ABLIM3: variants seen among roughly 807,000 people sequenced by gnomAD.
ABLIM3 encodes the protein actin binding LIM protein family member 3.
Under a neutral mutation model 109.5 loss-of-function variants are expected in ABLIM3, and 61 were observed. The observed-to-expected ratio is 0.56, with a 90% CI of 0.45 to 0.69. The LOEUF is 0.69. Ranked by LOEUF, ABLIM3 falls within the 30% of genes least tolerant of loss-of-function variation. The pLI is 0.00. For synonymous variants in ABLIM3, 300 were observed against 324.8 expected, an observed-to-expected ratio of 0.92 and a Z score of 0.82; for missense variants, 796 against 889.5, an observed-to-expected ratio of 0.89 and a Z score of 1.34.
chr5:149,239,420 G>C (rs560953159), intron 12 of ABLIM3, 143 bp downstream of exon 12: 2 of 940,556 alleles, frequency 2.1e-6, no homozygotes, highest in Admixed American at 3.9e-5. Flanking sequence ...AGACTCGGGT[G>C]CATGTCCTGG....
At chr5:149,149,465 G>C (rs1475700061) in intron 2 of ABLIM3, among the ~76,000 whole-genome samples, 1 of 152,156 alleles carries the variant, frequency 6.6e-6, no homozygotes, top group Non-Finnish European at 1.5e-5. Context: ...TATTACAGTA[G>C]GTGATGGATT....
intron 2 of ABLIM3, among the ~76,000 whole-genome samples, chr5:149,149,720 G>T (rs1580983361): frequency 6.6e-6 from 1 of 152,218 alleles, no homozygotes; most frequent in Non-Finnish European, 1.5e-5. Flanking sequence ...GGAAAAGGAG[G>T]ATTCTATTAG....
intron 8 of ABLIM3, among the ~76,000 whole-genome samples, chr5:149,229,942 G>C (rs1761681612): frequency 6.6e-6 from 1 of 152,192 alleles, no homozygotes; most frequent in African/African-American, 2.4e-5. Flanking sequence ...AGTCTCTGAG[G>C]AATTAGCAGG....
At chr5:149,145,509 G>A (rs1752827042) in intron 2 of ABLIM3, among the ~76,000 whole-genome samples, 1 of 152,184 alleles carries the variant, frequency 6.6e-6, no homozygotes, top group Non-Finnish European at 1.5e-5. Flanking sequence ...TATATATCCA[G>A]TAATGGGATT....
Position 149,216,962 on chromosome 5 carries a change from G to A in ABLIM3, c.673G>A (p.Gly225Arg). 1 of 1,614,078 alleles carries A rather than the reference G, an allele frequency of 6.2e-7. No homozygotes were observed. The highest frequency in any genetic ancestry group is 1.6e-4 in the Middle Eastern group (1 of 6,062). The change falls in exon 8 of 24, where the codon GGA (glycine) becomes AGA (arginine). Residue 225 changes from glycine (G) to arginine (R), a missense_variant. By Grantham distance (125) the Gly-to-Arg change is moderately radical. Transcript: ENST00000309868. Reference protein sequence around the residue: ...RYISGRVLEAGGKHYHPTCAR... With the variant: ...RYISGRVLEARGKHYHPTCAR... ...TTTCATCTTTTCATTTCCATAGGCA[G>A]GAGGGAAGCACTACCACCCAACCTG...
chr5:149,162,989 G>T (rs57339213), intron 2 of ABLIM3, among the ~76,000 whole-genome samples: 11,183 of 152,328 alleles, frequency 0.073, 428 homozygotes, highest in South Asian at 0.11. Flanking sequence ...AAGGAGGCCA[G>T]TGAGGCTGCT....
rs2304609 is a variant in ABLIM3 at position 149,247,940 on chromosome 5, C to T, written c.1699+11C>T. On this transcript the variant is annotated intron_variant, in intron 18 of 23. Coordinates refer to ENST00000309868, the MANE Select transcript of ABLIM3 (RefSeq NM_014945.5). ...TGTCCCTCAATGGCTGTAAGCATGG[C>T]TCTGGAAGCCCAACGGGGCGGGGAC... The T allele has an allele frequency of 0.45, 732,926 of 1,611,432 alleles. 173,038 individuals carry two copies. The highest frequency in any genetic ancestry group is 0.53 in the East Asian group (23,867 of 44,768).
chr5:149,174,106 A>G (rs958731852), intron 2 of ABLIM3, among the ~76,000 whole-genome samples: 7 of 152,058 alleles, frequency 4.6e-5, no homozygotes, highest in African/African-American at 1.7e-4. Context: ...ATCCAAATAA[A>G]GTGTGTCTGG....
In ABLIM3 at chr5:149,198,958, G is replaced by A. The variant is rs2127496796; in HGVS notation, c.335+556G>A. The A allele has an allele frequency of 2.4e-6, 1 of 424,716 alleles. No individual in the cohort carries two copies. Among genetic ancestry groups the A allele is most frequent in the East Asian group, 7.2e-5 (1 of 13,878 alleles). 26.3% of individuals were successfully genotyped at this position (424,716 alleles called of 1,614,324 possible). A position where few individuals can be genotyped will look rare whatever the true frequency, so the allele number is the denominator to read the frequency against. ...AGATCAATGAGATGATGATGCAAAG[G>A]CATTAGCTCAGTGATCAGTATGTGA... On this transcript the variant is annotated intron_variant, in intron 4 of 23. Coordinates refer to ENST00000309868, the MANE Select transcript of ABLIM3 (RefSeq NM_014945.5). The surrounding 1 kb of genome is among the most constrained non-coding windows in gnomAD (Gnocchi z 4.2).
At chr5:149,152,821 CACA>C (rs1387412638) in intron 2 of ABLIM3, among the ~76,000 whole-genome samples, 6 of 152,016 alleles carry the variant, frequency 3.9e-5, no homozygotes, top group Admixed American at 3.9e-4. Context: ...GCTGAAAGGC[CACA>C]ACAATGATTG....
At chr5:149,191,779 A>C (rs996595016) in intron 3 of ABLIM3, among the ~76,000 whole-genome samples, 1 of 152,258 alleles carries the variant, frequency 6.6e-6, no homozygotes, top group Non-Finnish European at 1.5e-5. Context: ...AAAGATAAGA[A>C]AGGATAAAAA....
In ABLIM3 at chr5:149,198,602, A is replaced by G. The variant is rs1401012045; in HGVS notation, c.335+200A>G. ...ATCTGAATCTTTCTTATAAAATACAATCTGATCTAAAACACTGGTTTGTCC... is the reference window on the plus strand; with the variant it reads ...ATCTGAATCTTTCTTATAAAATACAGTCTGATCTAAAACACTGGTTTGTCC... On this transcript the variant is annotated intron_variant, in intron 4 of 23. Coordinates refer to ENST00000309868, the MANE Select transcript of ABLIM3 (RefSeq NM_014945.5). The surrounding 1 kb of genome is among the most constrained non-coding windows in gnomAD (Gnocchi z 4.2). 6.6e-6 allele frequency among the ~76,000 whole-genome samples: 1 copy of G among 152,214 alleles called. No homozygotes were observed. The highest frequency in any genetic ancestry group is 2.4e-5 in the African/African-American group (1 of 41,438).
In ABLIM3 at chr5:149,216,869, T is replaced by C; in HGVS notation, c.670-90T>C. 1.7e-6 allele frequency: 2 copies of C among 1,163,064 alleles called. 1 individual carries two copies. The highest frequency in any genetic ancestry group is 2.6e-5 in the South Asian group (2 of 77,240). The allele number at this position is 1,163,064 out of a possible 1,614,324, so 72.0% of individuals were successfully genotyped here. The stretch of plus-strand genomic sequence containing the variant: ...AGGGCCATGAAGATGCAAACAACAC[T>C]AATGTACCCAGGAAAGATTCAAACC... On this transcript the variant is annotated intron_variant, in intron 7 of 23. Transcript: ENST00000309868.
At chr5:149,169,567 CCA>C (rs2127458415) in intron 2 of ABLIM3, among the ~76,000 whole-genome samples, 1 of 152,312 alleles carries the variant, frequency 6.6e-6, no homozygotes, top group African/African-American at 2.4e-5. Flanking sequence ...GATTCCCTCC[CCA>C]AGTCAGGAAA....
chr5:149,153,226 T>C (rs1753590966), intron 2 of ABLIM3, among the ~76,000 whole-genome samples: 1 of 152,194 alleles, frequency 6.6e-6, no homozygotes, highest in Non-Finnish European at 1.5e-5. Context: ...CCTTAGCTCT[T>C]ACAGTCCTGG....
chr5:149,157,595 C>T (rs1753967853), intron 2 of ABLIM3, among the ~76,000 whole-genome samples: 1 of 142,846 alleles, frequency 7.0e-6, no homozygotes, highest in Admixed American at 7.7e-5. Context: ...CAAGGATTTG[C>T]TCATCAGTGG....
intron 9 of ABLIM3, among the ~76,000 whole-genome samples, chr5:149,232,744 C>G (rs1761980843): frequency 6.6e-6 from 1 of 151,846 alleles, no homozygotes; most frequent in African/African-American, 2.4e-5. Context: ...CCATCATTGC[C>G]ATTGTTCAGA....
At chr5:149,205,222 A>T (rs1758858990) in intron 5 of ABLIM3, among the ~76,000 whole-genome samples, 2 of 152,332 alleles carry the variant, frequency 1.3e-5, no homozygotes, top group Middle Eastern at 6.8e-3. Context: ...AGCTCCATAT[A>T]AAGAAGACAG....
intron 7 of ABLIM3, among the ~76,000 whole-genome samples, chr5:149,214,975 T>C (rs545641498): frequency 6.6e-6 from 1 of 152,344 alleles, no homozygotes; most frequent in Admixed American, 6.5e-5. Context: ...ACAAAATGGT[T>C]CATCTCAGCT....
Sources: gnomAD v4.1 joint callset for allele counts (sites outside exome capture counted in the v4.1 genomes callset) on GRCh38, gnomAD v4.1.1 for gene constraint, Gnocchi (gnomAD v3.1) non-coding constraint, MANE v1.5 for transcripts, NCBI Gene and HGNC (gene_info 2026-07-23, HGNC 2026-07-21) for gene names.